The following PTPRT variants were observed in gnomAD, a reference collection of about 807,000 sequenced individuals.
PTPRT encodes receptor-type tyrosine-protein phosphatase T.
In PTPRT, 56 loss-of-function variants were observed where a neutral mutation model predicts 176.8. The ratio of observed to expected loss-of-function variants is 0.32; its 90% CI spans 0.26 to 0.40. The LOEUF (loss-of-function observed/expected upper bound fraction) is 0.40. PTPRT is among the 10% of genes least tolerant of loss of function. The pLI, the probability that PTPRT is intolerant of heterozygous loss-of-function variation, is 1.00. For synonymous variants in PTPRT, 783 were observed against 739.0 expected (o/e 1.06, Z -0.96); for missense variants, 1,540 against 1,908.2 (o/e 0.81, Z 3.60).
intron 12 of PTPRT, among the ~76,000 whole-genome samples, chr20:42,299,093 C>A (rs987400275): frequency 3.3e-5 from 5 of 151,704 alleles, no homozygotes; most frequent in Non-Finnish European, 5.9e-5. Context: ...AAAAAAAAAC[C>A]GCCAAGAAAT....
intron 7 of PTPRT, among the ~76,000 whole-genome samples, chr20:42,651,398 T>C (rs2075028402): frequency 6.6e-6 from 1 of 152,208 alleles, no homozygotes; most frequent in Admixed American, 6.5e-5. Flanking sequence ...GTCATGGATA[T>C]TTTCTCAAAT....
intron 11 of PTPRT, among the ~76,000 whole-genome samples, chr20:42,343,561 G>A (rs997222660): frequency 5.3e-5 from 8 of 152,174 alleles, no homozygotes; most frequent in Admixed American, 3.3e-4. Context: ...TGGCCCTTTG[G>A]CAATGAGATA....
intron 17 of PTPRT, among the ~76,000 whole-genome samples, chr20:42,148,260 A>ATTTTTTT (rs34255255): frequency 2.5e-4 from 28 of 114,036 alleles, no homozygotes; most frequent in East Asian, 2.7e-4. Context: ...CAAGGCAGTC[A>ATTTTTTT]TTTTTTTTTT....
rs2015498243 is a variant in PTPRT at position 43,189,869 on chromosome 20, G to C, written c.-136C>G. 7.7e-6 allele frequency: 2 copies of C among 258,786 alleles called. No homozygotes were observed. The highest frequency in any genetic ancestry group is 1.2e-5 in the Non-Finnish European group (2 of 167,070). The allele number at this position is 258,786 out of a possible 1,614,324, so 16.0% of individuals were successfully genotyped here. On this transcript the variant is annotated 5_prime_UTR_variant, in exon 1 of 31. Transcript: ENST00000373187. This position sits in a 1 kb window ranked among gnomAD's most constrained non-coding sequence, Gnocchi z 5.0. ...TGGCTCCGCTCGGGCTCCCGGAGCC[G>C]GCGCTCCTGCGTTCCAAGCCGAGGC...
chr20:42,350,575 C>G, intron 11 of PTPRT, 53 bp downstream of exon 11: 4 of 1,385,772 alleles, frequency 2.9e-6, no homozygotes, highest in Non-Finnish European at 4.1e-6. Flanking sequence ...ACTGGAGGCC[C>G]ATGTGGCACA....
chr20:43,076,509 A>G (rs1209215150), intron 1 of PTPRT, among the ~76,000 whole-genome samples: 1 of 152,006 alleles, frequency 6.6e-6, no homozygotes, highest in African/African-American at 2.4e-5. Flanking sequence ...CTGACCTTTT[A>G]CTGTAGATAT....
At chr20:42,213,065 C>T (rs887233108) in intron 15 of PTPRT, among the ~76,000 whole-genome samples, 1 of 152,112 alleles carries the variant, frequency 6.6e-6, no homozygotes, top group East Asian at 1.9e-4. Context: ...ACCACCGATG[C>T]GGAACAGCTG....
At chr20:42,519,327 C>T (rs971492665) in intron 7 of PTPRT, among the ~76,000 whole-genome samples, 3 of 152,082 alleles carry the variant, frequency 2.0e-5, no homozygotes, top group African/African-American at 7.2e-5. Flanking sequence ...GAGTAGTAAT[C>T]AATGGTGTGC....
intron 13 of PTPRT, among the ~76,000 whole-genome samples, chr20:42,252,752 G>C (rs528244319): frequency 6.6e-6 from 1 of 152,322 alleles, no homozygotes; most frequent in South Asian, 2.1e-4. Context: ...GAACATACTT[G>C]AGGGCCACAG....
intron 1 of PTPRT, among the ~76,000 whole-genome samples, chr20:42,924,539 A>G (rs1313746020): frequency 6.6e-6 from 1 of 152,114 alleles, no homozygotes; most frequent in Non-Finnish European, 1.5e-5. Flanking sequence ...CCATACAAAC[A>G]TCTCTATCTC....
chr20:43,084,239 G>A (rs2011543793), intron 1 of PTPRT, among the ~76,000 whole-genome samples: 1 of 152,164 alleles, frequency 6.6e-6, no homozygotes, highest in African/African-American at 2.4e-5. Context: ...CCCTGTGTGA[G>A]GGTTCCACTT....
At chr20:42,388,382 A>C (rs1332231074) in intron 9 of PTPRT, among the ~76,000 whole-genome samples, 1 of 152,224 alleles carries the variant, frequency 6.6e-6, no homozygotes, top group Non-Finnish European at 1.5e-5. Context: ...CTCATCTGAC[A>C]AAGCGCTAAT....
chr20:42,708,990 C>T (rs750082011), intron 6 of PTPRT, among the ~76,000 whole-genome samples: 12 of 152,222 alleles, frequency 7.9e-5, no homozygotes, highest in Non-Finnish European at 1.3e-4. Context: ...CAAATGGAGG[C>T]TGCCAGGTGG....
intron 6 of PTPRT, among the ~76,000 whole-genome samples, chr20:42,692,195 A>G (rs1435144701): frequency 6.6e-6 from 1 of 152,230 alleles, no homozygotes; most frequent in Non-Finnish European, 1.5e-5. Context: ...TTCCAAACTT[A>G]CTTTACAAGC....
chr20:43,182,643 G>A (rs915013163), intron 1 of PTPRT, among the ~76,000 whole-genome samples: 3 of 151,996 alleles, frequency 2.0e-5, no homozygotes, highest in Non-Finnish European at 4.4e-5. Flanking sequence ...CATCCACCTC[G>A]GCCTCCCAAA....
chr20:42,345,559 CACAT>C (rs2058178863), intron 11 of PTPRT, among the ~76,000 whole-genome samples: 1 of 135,598 alleles, frequency 7.4e-6, no homozygotes, highest in African/African-American at 2.8e-5. Context: ...TACACACACA[CACAT>C]ATATATACAT....
chr20:42,765,125 T>C (rs1357039256), intron 5 of PTPRT, among the ~76,000 whole-genome samples: 1 of 151,816 alleles, frequency 6.6e-6, no homozygotes, highest in Admixed American at 6.6e-5. Flanking sequence ...ACATACACTG[T>C]CCCTACAGAG....
intron 6 of PTPRT, among the ~76,000 whole-genome samples, chr20:42,737,958 G>A (rs1040751219): frequency 1.3e-5 from 2 of 152,148 alleles, no homozygotes; most frequent in African/African-American, 4.8e-5. Context: ...AGCCCGAGGG[G>A]TAGGGAGCTG....
rs1175463071 is a variant in PTPRT at position 42,370,681 on chromosome 20, T to C, written c.1561-18396A>G. Among the ~76,000 whole-genome samples, 7 of 152,180 alleles carry C rather than the reference T, an allele frequency of 4.6e-5. No individual in the cohort carries two copies. The East Asian group carries it at 1.4e-3, about 29-fold the overall frequency. Reference sequence around the variant, plus strand: ...TGAGATAATACTTGTAAAGCCCCTATAACAGTGCCTGGACATAATAAGCAC... The same window carrying C: ...TGAGATAATACTTGTAAAGCCCCTACAACAGTGCCTGGACATAATAAGCAC... On this transcript the variant is annotated intron_variant, in intron 9 of 30. Coordinates refer to ENST00000373187, the MANE Select transcript of PTPRT (RefSeq NM_007050.6).
Sources: allele counts gnomAD v4.1 joint callset (sites outside exome capture counted in the v4.1 genomes callset), GRCh38; gene constraint gnomAD v4.1.1; non-coding constraint Gnocchi (gnomAD v3.1); transcripts MANE v1.5; gene names NCBI Gene and HGNC (gene_info 2026-07-23, HGNC 2026-07-21).